The following TOMM7 variants were observed in gnomAD, a reference collection of about 807,000 sequenced individuals.
The protein encoded by TOMM7 is translocase of outer mitochondrial membrane 7, also known as mitochondrial import receptor subunit TOM7 homolog.
Under a neutral mutation model 9.5 loss-of-function variants are expected in TOMM7, and 8 were observed. The observed-to-expected ratio is 0.84, with a 90% confidence interval of 0.49 to 1.51. TOMM7 has a LOEUF of 1.51. Among genes scored for constraint, TOMM7 ranks in the 40% most tolerant of loss-of-function variants. TOMM7 has a pLI of 0.00. For synonymous variants in TOMM7, 27 were observed against 21.4 expected (o/e 1.26, Z -0.72); for missense variants, 74 against 63.7 (o/e 1.16, Z -0.55).
chr7:22,819,292 C>T (rs1318654374), intron 1 of TOMM7, among the ~76,000 whole-genome samples: 1 of 151,732 alleles, frequency 6.6e-6, no homozygotes, highest in Non-Finnish European at 1.5e-5. Flanking sequence ...AAAAAAAAAT[C>T]TTCTGTGACT....
At chr7:22,813,967 C>A (rs1350930806) in intron 2 of TOMM7, among the ~76,000 whole-genome samples, 2 of 148,346 alleles carry the variant, frequency 1.3e-5, no homozygotes, top group African/African-American at 5.1e-5. Flanking sequence ...AAACACACAT[C>A]TATTTCCAAT....
At chr7:22,813,714 G>T (rs891834757) in intron 2 of TOMM7, among the ~76,000 whole-genome samples, 1 of 151,198 alleles carries the variant, frequency 6.6e-6, no homozygotes, top group Non-Finnish European at 1.5e-5. Context: ...TTCCTGGGGA[G>T]CAATTAGCCT....
intron 1 of TOMM7, 95 bp downstream of exon 1, chr7:22,822,582 T>C: frequency 9.1e-7 from 1 of 1,097,180 alleles, no homozygotes; most frequent in Admixed American, 1.7e-5. Context: ...CAGTGTCCCC[T>C]ATTTTTCTCT....
At chr7:22,822,341 G>C in intron 1 of TOMM7, 1 of 1,459,170 alleles carries the variant, frequency 6.9e-7, no homozygotes, top group Non-Finnish European at 9.2e-7. Flanking sequence ...AAAACACCCC[G>C]AGAACCACCT....
intron 1 of TOMM7, 35 bp from the exon 2 acceptor site, chr7:22,818,083 A>T (rs890141441): frequency 6.3e-7 from 1 of 1,590,402 alleles, no homozygotes; most frequent in African/African-American, 1.3e-5. Context: ...AAAAATATTA[A>T]TTAAAACCCC....
intron 1 of TOMM7, among the ~76,000 whole-genome samples, chr7:22,821,241 T>C (rs1461978898): frequency 1.3e-5 from 2 of 150,436 alleles, no homozygotes; most frequent in Non-Finnish European, 3.0e-5. Flanking sequence ...GAAACCCCGT[T>C]TCTAGTAAAA....
chr7:22,814,736 G>A (rs1782295068), intron 2 of TOMM7, among the ~76,000 whole-genome samples: 1 of 152,146 alleles, frequency 6.6e-6, no homozygotes, highest in Non-Finnish European at 1.5e-5. Context: ...CATACAATGA[G>A]TCATCCTGGG....
chr7:22,813,668 G>A (rs1463174641), intron 2 of TOMM7, among the ~76,000 whole-genome samples: 2 of 151,698 alleles, frequency 1.3e-5, no homozygotes, highest in Non-Finnish European at 2.9e-5. Flanking sequence ...AGTGGGTAGA[G>A]TGCGATGTGG....
intron 1 of TOMM7, 116 bp downstream of exon 1, chr7:22,822,561 G>T: frequency 2.2e-6 from 2 of 911,914 alleles, no homozygotes; most frequent in Non-Finnish European, 3.5e-6. Flanking sequence ...AGCCTCAGGG[G>T]CCGTGCACGG....
chr7:22,817,599 AC>A (rs1782333176), intron 2 of TOMM7: 5 of 182,390 alleles, frequency 2.7e-5, no homozygotes, highest in Admixed American at 2.4e-4. Flanking sequence ...AAATTGAAAA[AC>A]CTATGTAAAC....
intron 1 of TOMM7, among the ~76,000 whole-genome samples, chr7:22,818,596 T>C (rs1419922654): frequency 6.6e-6 from 1 of 152,128 alleles, no homozygotes; most frequent in East Asian, 1.9e-4. Context: ...CAAACAACTT[T>C]TTCAGTGAGC....
rs1562674648 is a variant in TOMM7 at position 22,822,571 on chromosome 7, G to A, written c.103+106C>T. The A allele has an allele frequency of 4.1e-6, 4 of 977,852 alleles. No individual in the cohort carries two copies. In the East Asian group the frequency reaches 9.5e-5, roughly 23 times the overall value. The allele number at this position is 977,852 out of a possible 1,614,324, so 60.6% of individuals were successfully genotyped here. ...CAGACAGCCTCAGGGGCCGTGCACG[G>A]CAGTGTCCCCTATTTTTCTCTCCCT... On this transcript the variant is annotated intron_variant, in intron 1 of 2. Coordinates refer to ENST00000358435, the MANE Select transcript of TOMM7 (RefSeq NM_019059.5).
intron 1 of TOMM7, chr7:22,822,239 A>G: frequency 6.4e-7 from 1 of 1,550,898 alleles, no homozygotes; most frequent in Non-Finnish European, 8.7e-7. Context: ...CTATTATTAT[A>G]ATCATGCTTT....
At position 22,822,726 on chromosome 7, in the gene TOMM7, C is replaced by G; in HGVS notation, c.54G>C (p.Gly18=). The change falls in exon 1 of 3, where the codon GGG becomes GGC. Residue 18 remains glycine (G), a synonymous_variant. Transcript: ENST00000358435. ...AKQRLQQLFK[G]SQFAIRWGFI... ...AGCCCCAGCGAATGGCAAACTGGCTCCCCTTGAAGAGCTGCTGTAGTCTCT... is the reference window on the plus strand; with the variant it reads ...AGCCCCAGCGAATGGCAAACTGGCTGCCCTTGAAGAGCTGCTGTAGTCTCT... The G allele has an allele frequency of 2.5e-6, 4 of 1,614,216 alleles. No individual in the cohort carries two copies. The highest frequency in any genetic ancestry group is 2.5e-6 in the Non-Finnish European group (3 of 1,180,040).
Position 22,813,120 on chromosome 7 carries a change from T to G in TOMM7, c.*50A>C. On this transcript the variant is annotated 3_prime_UTR_variant, in exon 3 of 3. Coordinates refer to ENST00000358435, the MANE Select transcript of TOMM7 (RefSeq NM_019059.5). The stretch of plus-strand genomic sequence containing the variant: ...TCTTATCCGAGCCAGAGCACACATC[T>G]TCCATGCTGTCCGCTGATTGCCTCC... 1.9e-6 allele frequency: 3 copies of G among 1,606,504 alleles called. No individual in the cohort carries two copies. The highest frequency in any genetic ancestry group is 2.6e-6 in the Non-Finnish European group (3 of 1,173,078).
chr7:22,817,960 T>C (rs779039055), intron 2 of TOMM7, 40 bp downstream of exon 2: 1 of 1,589,306 alleles, frequency 6.3e-7, no homozygotes, highest in Non-Finnish European at 8.6e-7. Context: ...TACTACTGTA[T>C]GAACATTTGT....
Position 22,815,458 on chromosome 7 carries a change from G to A in TOMM7, c.153-2273C>T, listed in dbSNP as rs558847374. Among the ~76,000 whole-genome samples the A allele has an allele frequency of 9.5e-4, 144 of 151,948 alleles. 1 individual carries two copies. The highest frequency in any genetic ancestry group is 3.5e-3 in the African/African-American group (143 of 41,440). On this transcript the variant is annotated intron_variant, in intron 2 of 2. Transcript: ENST00000358435. ...TGCTTATAATCCTAGCACATTGGGA[G>A]GCCCAGGTGGGAGGACTGCTTGAGC...
chr7:22,822,783 G>C lies in TOMM7; in HGVS notation c.-4C>G. 1 of 1,613,580 alleles carries C rather than the reference G, an allele frequency of 6.2e-7. No individual in the cohort carries two copies. The highest frequency in any genetic ancestry group is 8.5e-7 in the Non-Finnish European group (1 of 1,179,486). ...CCTCTTTGCTCAGCTTCACCATGGC[G>C]ACGGCCGTGTGGCGCAGGGAGGACC... On this transcript the variant is annotated 5_prime_UTR_variant, in exon 1 of 3. Transcript: ENST00000358435.
intron 1 of TOMM7, among the ~76,000 whole-genome samples, chr7:22,820,935 A>C (rs1273201072): frequency 2.7e-5 from 4 of 150,628 alleles, no homozygotes; most frequent in Non-Finnish European, 5.9e-5. Context: ...AGTGTACTTT[A>C]TCTTATACAA....
Sources: gnomAD v4.1 joint callset for allele counts (sites outside exome capture counted in the v4.1 genomes callset) on GRCh38, gnomAD v4.1.1 for gene constraint, MANE v1.5 for transcripts, NCBI Gene and HGNC (gene_info 2026-07-23, HGNC 2026-07-21) for gene names.